ARHGDIB: variants seen among roughly 807,000 people sequenced by gnomAD.
The protein encoded by ARHGDIB is Rho GDP dissociation inhibitor beta.
ARHGDIB carries 20 observed loss-of-function variants against 22.6 expected under a neutral mutation model. The ratio of observed to expected loss-of-function variants is 0.88; its 90% CI spans 0.62 to 1.28. The LOEUF is 1.28. ARHGDIB is among the 50% of genes most tolerant of loss of function. The pLI is 0.00. For synonymous variants in ARHGDIB, 114 were observed against 96.1 expected (o/e 1.19, Z -1.09); for missense variants, 254 against 245.4 (o/e 1.04, Z -0.23).
chr12:14,945,076 C>T (rs1050562057), intron 4 of ARHGDIB, among the ~76,000 whole-genome samples: 3 of 152,038 alleles, frequency 2.0e-5, no homozygotes, highest in African/African-American at 7.2e-5. Context: ...TGATTTTTAC[C>T]GTTTTGGGAG....
intron 1 of ARHGDIB, among the ~76,000 whole-genome samples, chr12:14,952,277 CAAAA>C (rs3084566): frequency 5.5e-5 from 7 of 127,310 alleles, no homozygotes; most frequent in African/African-American, 1.2e-4. Flanking sequence ...TTAATGGAAC[CAAAA>C]AAAAAAAAAA....
At chr12:14,944,926 C>A (rs550164754) in intron 4 of ARHGDIB, 87 bp from the exon 5 acceptor site, 1 of 1,128,100 alleles carries the variant, frequency 8.9e-7, no homozygotes, top group Non-Finnish European at 1.3e-6. Flanking sequence ...CTAGCTGAAT[C>A]GTCTCTGACA....
intron 4 of ARHGDIB, among the ~76,000 whole-genome samples, chr12:14,947,456 C>T (rs757619693): frequency 2.0e-5 from 3 of 152,124 alleles, no homozygotes. Flanking sequence ...GTCCACTTTT[C>T]AATATATATT....
chr12:14,958,517 A>C (rs1864346477), intron 1 of ARHGDIB, among the ~76,000 whole-genome samples: 1 of 152,226 alleles, frequency 6.6e-6, no homozygotes, highest in African/African-American at 2.4e-5. Context: ...ATATGCACAA[A>C]GAGAGAGAAC....
rs1864158206 is a variant in ARHGDIB, at chr12:14,950,838, T to A, written c.-12-114A>T. ...ATGGACTTCTCTGATCATCAGTCAC[T>A]TTCCTGATTGTTTTCCTAATTCAAT... is the stretch of plus-strand genomic sequence containing the variant. On this transcript the variant is annotated intron_variant, in intron 1 of 5. Transcript: ENST00000228945. 5.4e-6 allele frequency: 4 copies of A among 744,944 alleles called. No homozygotes were observed. In the South Asian group the frequency reaches 9.3e-5, roughly 17 times the overall value. The allele number at this position is 744,944 out of a possible 1,614,324, so 46.1% of individuals were successfully genotyped here. A position where few individuals can be genotyped will look rare whatever the true frequency, so the allele number is the denominator to read the frequency against.
Position 14,950,633 on chromosome 12 carries a change from G to A in ARHGDIB, c.80C>T (p.Pro27Leu). ...ELDSKLNYKP[P>L]PQKSLKELQE... The stretch of plus-strand genomic sequence containing the variant: ...CAGCTCTTTCAGGGACTTCTGTGGT[G>A]GAGGCTTATAATTGAGCTTGCTGTC... Residue 27 changes from proline to leucine, a missense_variant, in exon 2 of 6, where the codon CCA (proline) becomes CTA (leucine). Physicochemically the swap from Pro to Leu is moderately conservative, Grantham distance 98 (BLOSUM62 -3). Transcript: ENST00000228945. The A allele has an allele frequency of 6.2e-7, 1 of 1,613,970 alleles. No individual in the cohort carries two copies. Among genetic ancestry groups the A allele is most frequent in the South Asian group, 1.1e-5 (1 of 91,074 alleles).
chr12:14,960,744 C>G (rs544307934), intron 1 of ARHGDIB, among the ~76,000 whole-genome samples: 1 of 152,322 alleles, frequency 6.6e-6, no homozygotes, highest in South Asian at 2.1e-4. Flanking sequence ...CTCAGGTGAT[C>G]TACCCGCCTC....
intron 5 of ARHGDIB, among the ~76,000 whole-genome samples, chr12:14,944,462 T>G (rs1302966690): frequency 6.6e-6 from 1 of 152,104 alleles, no homozygotes; most frequent in Admixed American, 6.5e-5. Context: ...GGTTGTTTAC[T>G]TTGTAGAGTA....
intron 2 of ARHGDIB, 29 bp from the exon 3 acceptor site, chr12:14,949,914 C>T: frequency 6.3e-7 from 1 of 1,594,212 alleles, no homozygotes; most frequent in East Asian, 2.2e-5. Context: ...ATGTAAGTAC[C>T]AAGAAGAGAC....
At chr12:14,943,303 T>C (rs997644026) in intron 5 of ARHGDIB, among the ~76,000 whole-genome samples, 2 of 152,166 alleles carry the variant, frequency 1.3e-5, no homozygotes, top group Non-Finnish European at 2.9e-5. Flanking sequence ...GGATCAGTGT[T>C]TTTAAAAAAC....
intron 2 of ARHGDIB, among the ~76,000 whole-genome samples, 158 bp from the exon 3 acceptor site, chr12:14,950,043 G>GA (rs1864132104): frequency 6.6e-6 from 1 of 152,220 alleles, no homozygotes. Context: ...GCTTGGTCTT[G>GA]ATGGCCTTGT....
chr12:14,947,753 C>T lies in ARHGDIB; in HGVS notation c.342+120G>A, dbSNP rs1400039571. The T allele has an allele frequency of 1.3e-5, 11 of 849,788 alleles. No homozygotes were observed. In the East Asian group the frequency reaches 2.3e-4, roughly 18 times the overall value. The allele number at this position is 849,788 out of a possible 1,614,324, so 52.6% of individuals were successfully genotyped here. ...TGGGAAGAGGACATTCCAGACCCAG[C>T]TTGGGGGTACTAGGGGAGAAACAAA... On this transcript the variant is annotated intron_variant, in intron 4 of 5. Coordinates refer to ENST00000228945, the MANE Select transcript of ARHGDIB (RefSeq NM_001175.7).
intron 1 of ARHGDIB, chr12:14,961,042 A>G (rs2445432): frequency 0.25 from 38,296 of 151,608 alleles, 4,908 homozygotes; most frequent in East Asian, 0.39. Context: ...AATATTTGAC[A>G]GCTTTGAACC....
chr12:14,942,675 C>T lies in ARHGDIB; in HGVS notation c.453G>A (p.Glu151=). 1.2e-6 allele frequency: 2 copies of T among 1,614,130 alleles called. No homozygotes were observed. The highest frequency in any genetic ancestry group is 1.7e-6 in the Non-Finnish European group (2 of 1,180,002). The change falls in exon 6 of 6, where the codon GAG becomes GAA. Residue 151 remains glutamate, a synonymous_variant. Coordinates refer to ENST00000228945, the MANE Select transcript of ARHGDIB (RefSeq NM_001175.7). ...CAACTGGAGTGAGGAACTCATACTC[C>T]TCAGGCCGAGGTCCATAGCTGCCAA... ...FMVGSYGPRP[E]EYEFLTPVEE...
At chr12:14,951,863 G>C (rs899524357) in intron 1 of ARHGDIB, among the ~76,000 whole-genome samples, 2 of 151,922 alleles carry the variant, frequency 1.3e-5, no homozygotes, top group South Asian at 2.1e-4. Flanking sequence ...GAGATCCAGA[G>C]TTAAGAGAAT....
At position 14,944,769 on chromosome 12, in the gene ARHGDIB, C is replaced by T. The variant is rs1029261635; in HGVS notation, c.406+7G>A. 2 of 1,612,210 alleles carry T rather than the reference C, an allele frequency of 1.2e-6. No individual in the cohort carries two copies. Among genetic ancestry groups the T allele is most frequent in the African/African-American group, 1.3e-5 (1 of 74,948 alleles). On this transcript the variant is annotated splice_region_variant and intron_variant, in intron 5 of 5. Transcript: ENST00000228945. ...TTGGGACAGTGTGGAAATGTGGGTT[C>T]CCTTACCTTTCACCCCAGTCCTGTA...
chr12:14,955,339 G>A (rs974495506), intron 1 of ARHGDIB, among the ~76,000 whole-genome samples: 3 of 152,152 alleles, frequency 2.0e-5, no homozygotes, highest in Non-Finnish European at 2.9e-5. Context: ...TATAGACAGT[G>A]AAAAGAGTAA....
rs1864059251 is a variant in ARHGDIB at position 14,947,879 on chromosome 12, G to T, written c.336C>A (p.His112Gln). 2 of 1,609,558 alleles carry T rather than the reference G, an allele frequency of 1.2e-6. No individual in the cohort carries two copies. The highest frequency in any genetic ancestry group is 1.7e-6 in the Non-Finnish European group (2 of 1,175,910). ...CACAAGGCAGGATACTTACTTTGAA[G>T]TGAATTTTGACTCTATATTCAGAAC... ...KEGSEYRVKI[H>Q]FKVNRDIVSG... is the part of the protein sequence containing the mutation. The change falls in exon 4 of 6, where the codon CAC (histidine) becomes CAA (glutamine). Residue 112 changes from histidine (H) to glutamine (Q), a missense_variant. His to Gln is a conservative substitution (Grantham distance 24). Transcript: ENST00000228945.
intron 4 of ARHGDIB, among the ~76,000 whole-genome samples, chr12:14,945,278 A>G (rs1384290907): frequency 6.6e-6 from 1 of 152,204 alleles, no homozygotes; most frequent in Non-Finnish European, 1.5e-5. Flanking sequence ...AACCTCAGAG[A>G]TGATCCACTT....
Sources: gnomAD v4.1 joint callset for allele counts (sites outside exome capture counted in the v4.1 genomes callset) on GRCh38, gnomAD v4.1.1 for gene constraint, MANE v1.5 for transcripts, NCBI Gene and HGNC (gene_info 2026-07-23, HGNC 2026-07-21) for gene names.